KAZN: variants seen among roughly 807,000 people sequenced by gnomAD.
KAZN encodes the protein kazrin, periplakin interacting protein.
KAZN carries 40 observed loss-of-function variants against 87.4 expected under a neutral mutation model. The observed-to-expected ratio is 0.46, with a 90% confidence interval of 0.36 to 0.60. KAZN has a LOEUF of 0.60. Ranked by LOEUF, KAZN falls within the 20% of genes least tolerant of loss-of-function variation. KAZN has a pLI of 0.00. For synonymous variants in KAZN, 466 were observed against 458.3 expected (o/e 1.02, Z -0.22); for missense variants, 898 against 1,073.9 (o/e 0.84, Z 2.29).
chr1:14,703,910 T>G lies in KAZN; in HGVS notation c.226+104687T>G, dbSNP rs1302104772. Among the ~76,000 whole-genome samples, 3 of 152,142 alleles carry G rather than the reference T, an allele frequency of 2.0e-5. No individual in the cohort carries two copies. The East Asian group carries it at 5.8e-4, about 29-fold the overall frequency. On this transcript the variant is annotated intron_variant, in intron 1 of 14. Transcript: ENST00000376030. ...TAAAAAAATGAAAAATAAAAAAGAATAGATTGACCAGTCCTTCAGAGAAAA... is the reference window on the plus strand; with the variant it reads ...TAAAAAAATGAAAAATAAAAAAGAAGAGATTGACCAGTCCTTCAGAGAAAA...
chr1:14,263,860 A>T (rs894354646), intron 2 of KAZN, among the ~76,000 whole-genome samples: 1 of 152,224 alleles, frequency 6.6e-6, no homozygotes, highest in Admixed American at 6.5e-5. Context: ...ATGATTTATC[A>T]CCATCTTTGA....
At chr1:14,731,947 C>A (rs1332428628) in intron 1 of KAZN, among the ~76,000 whole-genome samples, 2 of 152,240 alleles carry the variant, frequency 1.3e-5, no homozygotes, top group African/African-American at 4.8e-5. Context: ...CAAGAAGCGA[C>A]AGACTTGCTG....
intron 1 of KAZN, among the ~76,000 whole-genome samples, chr1:14,732,714 A>C (rs973761857): frequency 6.6e-6 from 1 of 152,164 alleles, no homozygotes; most frequent in Non-Finnish European, 1.5e-5. Flanking sequence ...TCAACTGGCT[A>C]TTACAATGTT....
chr1:13,907,404 T>C (rs1312958350), intron 1 of KAZN, among the ~76,000 whole-genome samples: 1 of 151,678 alleles, frequency 6.6e-6, no homozygotes, highest in East Asian at 1.9e-4. Flanking sequence ...CAGGAAGTGG[T>C]AGAGAAGACC....
chr1:14,804,558 T>A (rs1364597049), intron 1 of KAZN, among the ~76,000 whole-genome samples: 1 of 152,112 alleles, frequency 6.6e-6, no homozygotes, highest in East Asian at 1.9e-4. Context: ...AATAGGGAGA[T>A]GGAGGCAAAA....
At chr1:14,338,797 C>T (rs1657469240) in intron 2 of KAZN, among the ~76,000 whole-genome samples, 1 of 152,152 alleles carries the variant, frequency 6.6e-6, no homozygotes, top group Non-Finnish European at 1.5e-5. Flanking sequence ...TCAGACTTCT[C>T]AGTACATAAG....
intron 2 of KAZN, among the ~76,000 whole-genome samples, chr1:14,263,694 G>A (rs201109389): frequency 6.6e-6 from 1 of 152,198 alleles, no homozygotes; most frequent in Non-Finnish European, 1.5e-5. Context: ...TAACAGAAAG[G>A]ATGGTTTGGG....
intron 1 of KAZN, among the ~76,000 whole-genome samples, chr1:14,717,991 G>C (rs1367932366): frequency 5.9e-5 from 9 of 152,276 alleles, no homozygotes; most frequent in Admixed American, 1.3e-4. Flanking sequence ...CCATCAAGAG[G>C]GACGCTTCCC....
At chr1:13,930,331 T>C (rs1231611058) in intron 1 of KAZN, among the ~76,000 whole-genome samples, 1 of 152,210 alleles carries the variant, frequency 6.6e-6, no homozygotes, top group African/African-American at 2.4e-5. Context: ...ACCCCACCTG[T>C]AGCCTGAAGC....
rs140283625 is a variant in KAZN at position 14,736,200 on chromosome 1, T to C, written c.226+136977T>C. On this transcript the variant is annotated intron_variant, in intron 1 of 14. Coordinates refer to ENST00000376030, the MANE Select transcript of KAZN (RefSeq NM_201628.3). ...CTAAAAATGGGAAGGGGGTACTTTT[T>C]AAAAATATAGGTTCCTGGGCCCCTG... Among the ~76,000 whole-genome samples, 677 of 151,904 alleles carry C rather than the reference T, an allele frequency of 4.5e-3. 5 individuals are homozygous for C. Among genetic ancestry groups the C allele is most frequent in the African/African-American group, 0.014 (594 of 41,394 alleles).
intron 2 of KAZN, among the ~76,000 whole-genome samples, chr1:14,354,687 C>CACAA (rs1658861410): frequency 2.0e-5 from 3 of 146,504 alleles, no homozygotes; most frequent in Admixed American, 1.4e-4. Flanking sequence ...CACACACACA[C>CACAA]AAACAAACCT....
intron 1 of KAZN, among the ~76,000 whole-genome samples, chr1:14,056,433 G>A (rs115535831): frequency 4.0e-4 from 61 of 152,216 alleles, no homozygotes; most frequent in Middle Eastern, 3.4e-3. Context: ...TCTAGAAGTT[G>A]GAAAAAAGCA....
intron 13 of KAZN, among the ~76,000 whole-genome samples, chr1:15,108,334 CAGCT>C (rs1641366356): frequency 3.3e-5 from 5 of 152,240 alleles, no homozygotes; most frequent in Admixed American, 2.0e-4. Context: ...GGCACTGGGT[CAGCT>C]GAGTGCCCAG....
intron 2 of KAZN, among the ~76,000 whole-genome samples, chr1:14,366,772 T>C (rs549928947): frequency 3.3e-5 from 5 of 152,364 alleles, no homozygotes; most frequent in African/African-American, 9.6e-5. Context: ...GTAGACTCTC[T>C]GCCTTTTCAC....
intron 2 of KAZN, among the ~76,000 whole-genome samples, chr1:14,456,350 TTACGGAGG>T (rs1164623098): frequency 6.6e-6 from 1 of 152,250 alleles, no homozygotes; most frequent in Non-Finnish European, 1.5e-5. Context: ...TCTCTCTTGT[TTACGGAGG>T]TCTCTCCAGT....
chr1:14,068,158 T>C (rs1190567351), intron 1 of KAZN, among the ~76,000 whole-genome samples: 16 of 152,108 alleles, frequency 1.1e-4, no homozygotes, highest in Admixed American at 6.6e-4. Context: ...TCCAAACATA[T>C]TGATGCAGAA....
intron 2 of KAZN, among the ~76,000 whole-genome samples, chr1:15,033,589 G>C (rs577157283): frequency 2.6e-4 from 39 of 152,130 alleles, no homozygotes; most frequent in Non-Finnish European, 5.0e-4. Flanking sequence ...GCTATTGTCT[G>C]TTTTCTATTT....
At chr1:14,805,531 G>A (rs1019499469) in intron 1 of KAZN, among the ~76,000 whole-genome samples, 1 of 152,088 alleles carries the variant, frequency 6.6e-6, no homozygotes, top group Admixed American at 6.5e-5. Context: ...GGCCAAGGCG[G>A]GCAGATAACC....
At chr1:14,754,928 A>G (rs6672687) in intron 1 of KAZN, among the ~76,000 whole-genome samples, 83,741 of 151,486 alleles carry the variant, frequency 0.55, 24,126 homozygotes, top group African/African-American at 0.67. Flanking sequence ...GATTTTCCGG[A>G]TTGAAAAAAT....
Sources: gnomAD v4.1 joint callset for allele counts (sites outside exome capture counted in the v4.1 genomes callset) on GRCh38, gnomAD v4.1.1 for gene constraint, MANE v1.5 for transcripts, NCBI Gene and HGNC (gene_info 2026-07-23, HGNC 2026-07-21) for gene names.